Variants in LINGO2 observed in about 807,000 individuals in gnomAD.
LINGO2 encodes leucine rich repeat and Ig domain containing 2.
A neutral mutation model predicts 30.6 loss-of-function variants in LINGO2; 14 were observed. The ratio of observed to expected loss-of-function variants is 0.46; its 90% confidence interval spans 0.30 to 0.72. LINGO2 has a LOEUF of 0.72. Ranked by LOEUF, LINGO2 falls within the 30% of genes least tolerant of loss-of-function variation. LINGO2 has a pLI of 0.07. For synonymous variants in LINGO2, 317 were observed against 288.5 expected (o/e 1.10, Z -1.00); for missense variants, 729 against 751.7 (o/e 0.97, Z 0.35).
rs921424270 is a variant in LINGO2 at position 28,467,242 on chromosome 9, G to A, written c.-279+8698C>T. ...GGGTTTCACCGTGTTAGCCAGGATG[G>A]TCTCGATCTCCTGACCTCTCGTAGT... On this transcript the variant is annotated intron_variant, in intron 2 of 5. Transcript: ENST00000379992. Among the ~76,000 whole-genome samples the A allele has an allele frequency of 1.8e-4, 28 of 152,142 alleles. No homozygotes were observed. The East Asian group carries it at 3.3e-3, about 18-fold the overall frequency.
At chr9:28,363,173 A>C (rs1231186792) in intron 3 of LINGO2, among the ~76,000 whole-genome samples, 1 of 152,196 alleles carries the variant, frequency 6.6e-6, no homozygotes, top group South Asian at 2.1e-4. Flanking sequence ...CTCTTCCAAA[A>C]TGTACACAGT....
At chr9:28,135,588 G>T (rs1486217424) in intron 4 of LINGO2, among the ~76,000 whole-genome samples, 1 of 151,822 alleles carries the variant, frequency 6.6e-6, no homozygotes, top group Non-Finnish European at 1.5e-5. Context: ...GGCCTCTGAT[G>T]AATTCTAAAA....
chr9:28,624,480 G>A (rs1383260436), intron 1 of LINGO2, among the ~76,000 whole-genome samples: 3 of 151,952 alleles, frequency 2.0e-5, no homozygotes, highest in African/African-American at 7.2e-5. Context: ...TGATTGATTT[G>A]CGTATGTTAA....
At chr9:28,153,489 C>T (rs1049601508) in intron 4 of LINGO2, among the ~76,000 whole-genome samples, 4 of 152,136 alleles carry the variant, frequency 2.6e-5, no homozygotes, top group African/African-American at 7.2e-5. Flanking sequence ...ACACTTCTTC[C>T]ACATGGAATG....
At chr9:29,193,225 A>G in the LINGO2 span, among the ~76,000 whole-genome samples, 2 of 152,280 alleles carry the variant, frequency 1.3e-5, no homozygotes, top group Middle Eastern at 3.4e-3. Flanking sequence ...AGGACCAAAT[A>G]TTATCTGACC....
At chr9:28,087,357 G>A (rs77135244) in intron 4 of LINGO2, among the ~76,000 whole-genome samples, 29,301 of 151,918 alleles carry the variant, frequency 0.19, 3,169 homozygotes, top group Non-Finnish European at 0.22. Context: ...GGAAGAAAAA[G>A]CACTTTTAAA....
chr9:28,505,079 A>G (rs1820054979), intron 1 of LINGO2, among the ~76,000 whole-genome samples: 1 of 151,946 alleles, frequency 6.6e-6, no homozygotes, highest in Non-Finnish European at 1.5e-5. Flanking sequence ...CTGAAAAAAT[A>G]AAGTTGGCTT....
chr9:29,124,908 T>G, the LINGO2 span, among the ~76,000 whole-genome samples: 1 of 152,212 alleles, frequency 6.6e-6, no homozygotes, highest in Non-Finnish European at 1.5e-5. Context: ...GTCCCATTAC[T>G]GGGTATATAC....
rs191579205 is a variant in LINGO2 at position 28,034,724 on chromosome 9, A to G, written c.-86-22319T>C. On this transcript the variant is annotated intron_variant, in intron 4 of 5. Transcript: ENST00000379992. ...GTCATGTTTTTCTTATGATTTCAAA[A>G]AACTAAATTAAAATTGCTACTTATT... Among the ~76,000 whole-genome samples, 226 of 152,358 alleles carry G rather than the reference A, an allele frequency of 1.5e-3. 1 individual carries two copies. Among genetic ancestry groups the G allele is most frequent in the Admixed American group, 0.014 (213 of 15,306 alleles).
chr9:28,425,297 T>C (rs1310521065), intron 2 of LINGO2, among the ~76,000 whole-genome samples: 1 of 145,528 alleles, frequency 6.9e-6, no homozygotes, highest in African/African-American at 2.5e-5. Context: ...TATGTATATA[T>C]ACATGTGTAT....
At chr9:28,078,286 T>G (rs1177278931) in intron 4 of LINGO2, among the ~76,000 whole-genome samples, 1 of 148,886 alleles carries the variant, frequency 6.7e-6, no homozygotes, top group Non-Finnish European at 1.5e-5. Flanking sequence ...GCAGGGCAAC[T>G]GAGAGGATGT....
chr9:28,754,864 C>T, the LINGO2 span, among the ~76,000 whole-genome samples: 1 of 151,936 alleles, frequency 6.6e-6, no homozygotes, highest in Non-Finnish European at 1.5e-5. Context: ...ATCTCCTGAT[C>T]CCATGATCCG....
At chr9:28,381,251 T>C (rs1821344553) in intron 2 of LINGO2, among the ~76,000 whole-genome samples, 2 of 151,874 alleles carry the variant, frequency 1.3e-5, no homozygotes, top group Admixed American at 1.3e-4. Flanking sequence ...ACAAAAACAA[T>C]TGCAGACTTT....
intron 1 of LINGO2, among the ~76,000 whole-genome samples, chr9:28,509,568 C>T (rs1476554578): frequency 6.6e-6 from 1 of 152,184 alleles, no homozygotes; most frequent in Non-Finnish European, 1.5e-5. Flanking sequence ...TGTTAAAGCT[C>T]TAACTCCCAA....
the LINGO2 span, among the ~76,000 whole-genome samples, chr9:29,038,659 G>T: frequency 8.5e-6 from 1 of 117,852 alleles, no homozygotes; most frequent in Non-Finnish European, 1.7e-5. Flanking sequence ...TAATTAAACA[G>T]AGTTCACTAC....
At chr9:28,759,689 A>G in the LINGO2 span, among the ~76,000 whole-genome samples, 1 of 146,038 alleles carries the variant, frequency 6.8e-6, no homozygotes, top group Non-Finnish European at 1.5e-5. Flanking sequence ...CTCAAAAAGA[A>G]AAAAAAAAAA....
intron 1 of LINGO2, among the ~76,000 whole-genome samples, chr9:28,483,640 G>A (rs574221991): frequency 1.4e-4 from 21 of 151,878 alleles, no homozygotes; most frequent in Non-Finnish European, 3.1e-4. Flanking sequence ...ACTTTCTATT[G>A]TAATCAAAGT....
the LINGO2 span, among the ~76,000 whole-genome samples, chr9:29,033,318 A>G: frequency 7.9e-5 from 12 of 151,032 alleles, no homozygotes; most frequent in African/African-American, 2.9e-4. Context: ...AGAAAAACAT[A>G]GGAAAAGTTT....
intron 1 of LINGO2, among the ~76,000 whole-genome samples, chr9:28,568,461 G>A (rs1452440479): frequency 6.6e-6 from 1 of 151,934 alleles, no homozygotes; most frequent in Admixed American, 6.6e-5. Context: ...TCCCACACAT[G>A]TATTGCTGAA....
Sources: allele counts gnomAD v4.1 joint callset (sites outside exome capture counted in the v4.1 genomes callset), GRCh38; gene constraint gnomAD v4.1.1; transcripts MANE v1.5; gene names NCBI Gene and HGNC (gene_info 2026-07-23, HGNC 2026-07-21).